MYO6: variants seen among roughly 807,000 people sequenced by gnomAD.
The protein encoded by MYO6 is unconventional myosin-VI.
MYO6 carries 74 observed loss-of-function variants against 178.7 expected under a neutral mutation model. The observed-to-expected ratio is 0.41, with a 90% CI of 0.34 to 0.50. The LOEUF (loss-of-function observed/expected upper bound fraction) is 0.50. Among genes scored for constraint, MYO6 ranks in the 20% least tolerant of loss-of-function variants. The pLI is 0.09. For missense variants in MYO6, 1,330 were observed against 1,547.4 expected, an observed-to-expected ratio of 0.86 and a Z score of 2.36; for synonymous variants, 477 against 504.6, an observed-to-expected ratio of 0.95 and a Z score of 0.73.
At chr6:75,880,217 T>A in intron 22 of MYO6, 97 bp downstream of exon 22, 1 of 927,150 alleles carries the variant, frequency 1.1e-6, no homozygotes, top group Non-Finnish European at 1.7e-6. Flanking sequence ...GTATTATTCT[T>A]GAATTATATG....
At chr6:75,782,434 A>G (rs1222234365) in intron 1 of MYO6, among the ~76,000 whole-genome samples, 1 of 152,110 alleles carries the variant, frequency 6.6e-6, no homozygotes, top group African/African-American at 2.4e-5. Flanking sequence ...GGGGCAGGAC[A>G]GCATGAAAGT....
intron 1 of MYO6, among the ~76,000 whole-genome samples, chr6:75,785,473 C>CTTT (rs11325534): frequency 7.9e-6 from 1 of 126,538 alleles, no homozygotes; most frequent in Non-Finnish European, 1.6e-5. Flanking sequence ...CTTTTCTTTT[C>CTTT]TTTTTTTTTT....
chr6:75,776,134 C>T lies in MYO6; in HGVS notation c.-48+26711C>T, dbSNP rs72654760. ...TCTTTCTCCTTTTGTAAGTTGTAAA[C>T]GCTTGATTTTATTCTTGTGTCTTCA... is the stretch of plus-strand genomic sequence containing the variant. On this transcript the variant is annotated intron_variant, in intron 1 of 34. Coordinates refer to ENST00000369977, the MANE Select transcript of MYO6 (RefSeq NM_004999.4). Among the ~76,000 whole-genome samples the T allele has an allele frequency of 0.013, 1,925 of 152,190 alleles. 66 individuals carry two copies. In the East Asian group the frequency reaches 0.13, roughly 10 times the overall value.
intron 33 of MYO6, 84 bp downstream of exon 33, chr6:75,911,782 T>G (rs974225232): frequency 2.2e-6 from 3 of 1,334,770 alleles, no homozygotes; most frequent in South Asian, 2.4e-5. Flanking sequence ...TTAAAAGTTG[T>G]TTTGCTACAA....
At chr6:75,844,610 A>G (rs142512054) in intron 9 of MYO6, among the ~76,000 whole-genome samples, 2 of 152,292 alleles carry the variant, frequency 1.3e-5, no homozygotes, top group East Asian at 3.9e-4. Flanking sequence ...CTGAAAAGAT[A>G]TAAAATTGTT....
chr6:75,824,591 C>T (rs1364549233), intron 3 of MYO6, among the ~76,000 whole-genome samples: 1 of 152,014 alleles, frequency 6.6e-6, no homozygotes, highest in Non-Finnish European at 1.5e-5. Flanking sequence ...GTCTCACATG[C>T]ATATTTCTAA....
intron 29 of MYO6, among the ~76,000 whole-genome samples, chr6:75,897,773 A>C (rs949349962): frequency 6.6e-6 from 1 of 152,264 alleles, no homozygotes; most frequent in Admixed American, 6.5e-5. Flanking sequence ...TCTGGGTAAC[A>C]AAAGCAAAAT....
intron 25 of MYO6, among the ~76,000 whole-genome samples, chr6:75,887,978 C>A (rs553162594): frequency 2.8e-5 from 4 of 141,592 alleles, no homozygotes; most frequent in South Asian, 2.3e-4. Context: ...GACTCCGTCT[C>A]AAAAAAAATA....
intron 20 of MYO6, among the ~76,000 whole-genome samples, chr6:75,873,751 A>G (rs948783952): frequency 1.3e-5 from 2 of 152,194 alleles, no homozygotes; most frequent in Non-Finnish European, 2.9e-5. Context: ...CATTCCACAC[A>G]TGATGGTCAG....
intron 18 of MYO6, among the ~76,000 whole-genome samples, chr6:75,868,285 A>G (rs183064614): frequency 7.9e-5 from 12 of 151,936 alleles, no homozygotes; most frequent in Admixed American, 6.5e-4. Flanking sequence ...CATTATTATG[A>G]GTTTCTGATT....
At chr6:75,907,523 T>G in intron 30 of MYO6, 82 bp from the exon 31 acceptor site, 1 of 1,105,662 alleles carries the variant, frequency 9.0e-7, no homozygotes, top group South Asian at 1.3e-5. Flanking sequence ...GTTTTCAAAC[T>G]TATGCATGCT....
At chr6:75,845,854 G>A (rs1410606368) in intron 10 of MYO6, among the ~76,000 whole-genome samples, 1 of 151,858 alleles carries the variant, frequency 6.6e-6, no homozygotes. Flanking sequence ...AGGTGTCGTG[G>A]TGTGTGCCTG....
intron 1 of MYO6, among the ~76,000 whole-genome samples, chr6:75,795,327 C>T (rs182647690): frequency 4.3e-4 from 66 of 152,176 alleles, no homozygotes; most frequent in African/African-American, 1.5e-3. Flanking sequence ...ACTTTTAACT[C>T]CGGGGAAACT....
rs532116963 is a variant in MYO6, at chr6:75,763,180, C to T, written c.-48+13757C>T. On this transcript the variant is annotated intron_variant, in intron 1 of 34. Transcript: ENST00000369977. ...TAGCTGGGATTACAGGCACCTGCCA[C>T]GCCTGGTTAATTCTTGTATTTTCTT... Among the ~76,000 whole-genome samples the T allele has an allele frequency of 2.1e-4, 32 of 152,090 alleles. 1 individual carries two copies. In the South Asian group the frequency reaches 6.2e-3, roughly 30 times the overall value.
chr6:75,809,924 A>C (rs546027819), intron 1 of MYO6, among the ~76,000 whole-genome samples: 95 of 151,572 alleles, frequency 6.3e-4, no homozygotes, highest in African/African-American at 2.2e-3. Flanking sequence ...AAACAAAAAA[A>C]AAAGCAAAAA....
intron 20 of MYO6, 112 bp downstream of exon 20, chr6:75,873,412 TAAA>T: frequency 1.1e-6 from 1 of 895,766 alleles, no homozygotes; most frequent in Non-Finnish European, 1.8e-6. Context: ...TACAGTGCAA[TAAA>T]ATTTTCATCT....
intron 20 of MYO6, among the ~76,000 whole-genome samples, chr6:75,876,497 T>C (rs1027448778): frequency 2.6e-5 from 4 of 152,214 alleles, no homozygotes; most frequent in Non-Finnish European, 5.9e-5. Flanking sequence ...AAAGTAGAGA[T>C]GTATTTTTGT....
At chr6:75,885,689 G>A (rs1416204918) in intron 23 of MYO6, among the ~76,000 whole-genome samples, 1 of 151,950 alleles carries the variant, frequency 6.6e-6, no homozygotes, top group East Asian at 1.9e-4. Context: ...CCTACGATCC[G>A]CCCGCCTTGG....
chr6:75,892,627 G>T lies in MYO6; in HGVS notation c.3044G>T (p.Arg1015Met). 6.2e-7 allele frequency: 1 copy of T among 1,613,212 alleles called. No homozygotes were observed. Among genetic ancestry groups the T allele is most frequent in the Non-Finnish European group, 8.5e-7 (1 of 1,180,018 alleles). Residue 1015 changes from arginine (R) to methionine (M), a missense_variant, in exon 28 of 35, where the codon AGG becomes ATG. Physicochemically the swap from Arg to Met is moderately conservative, Grantham distance 91 (BLOSUM62 -1). Around this residue, in one of 3 missense-constraint regions of MYO6, gnomAD observed 601 missense variants for 626.1 expected, o/e 0.96. Coordinates refer to ENST00000369977, the MANE Select transcript of MYO6 (RefSeq NM_004999.4). ...QERRDRELAL[R>M]IAQSEAELIS... Reference sequence around the variant, plus strand: ...CGCAGGGACCGGGAGCTGGCCCTGAGGATTGCCCAGAGTGAAGCCGAGCTC... The same window carrying T: ...CGCAGGGACCGGGAGCTGGCCCTGATGATTGCCCAGAGTGAAGCCGAGCTC...
Sources: gnomAD v4.1 joint callset for allele counts (sites outside exome capture counted in the v4.1 genomes callset) on GRCh38, gnomAD v4.1.1 for gene constraint, gnomAD v4.1.1 regional missense constraint, MANE v1.5 for transcripts, NCBI Gene and HGNC (gene_info 2026-07-23, HGNC 2026-07-21) for gene names.